TDRD5: variants seen among roughly 807,000 people sequenced by gnomAD.
The protein encoded by TDRD5 is tudor domain-containing protein 5.
In TDRD5, 41 loss-of-function variants were observed where a neutral mutation model predicts 120.6. That is an observed-to-expected ratio of 0.34 (90% CI 0.26 to 0.44). The LOEUF (loss-of-function observed/expected upper bound fraction) is 0.44. TDRD5 is among the 20% of genes least tolerant of loss of function. TDRD5 has a pLI of 1.00. For missense variants in TDRD5, 1,006 were observed against 1,221.2 expected (o/e 0.82, Z 2.63); for synonymous variants, 430 against 433.7 (o/e 0.99, Z 0.11).
At position 179,618,581 on chromosome 1, in the gene TDRD5, T is replaced by A; in HGVS notation, c.832-18T>A. 6.4e-7 allele frequency: 1 copy of A among 1,569,806 alleles called. No homozygotes were observed. Among genetic ancestry groups the A allele is most frequent in the Non-Finnish European group, 8.6e-7 (1 of 1,164,372 alleles). On this transcript the variant is annotated intron_variant, in intron 4 of 17. Coordinates refer to ENST00000444136, the MANE Select transcript of TDRD5 (RefSeq NM_001199085.3). The stretch of plus-strand genomic sequence containing the variant: ...GTCAGGGGGACTGTGACTTGACTTT[T>A]TTTTTCTTTTTTCATAGCTGGAGAA...
At chr1:179,672,164 A>G (rs778467264) in intron 17 of TDRD5, among the ~76,000 whole-genome samples, 2 of 151,930 alleles carry the variant, frequency 1.3e-5, no homozygotes, top group Non-Finnish European at 2.9e-5. Flanking sequence ...CAAATGGTAG[A>G]TCTTAGCTCT....
intron 17 of TDRD5, among the ~76,000 whole-genome samples, chr1:179,677,599 G>A (rs932758191): frequency 3.3e-5 from 5 of 152,156 alleles, no homozygotes; most frequent in African/African-American, 1.2e-4. Context: ...CCTGAGAACT[G>A]AACTGTGGTG....
intron 14 of TDRD5, among the ~76,000 whole-genome samples, chr1:179,660,224 T>G (rs1410789584): frequency 2.3e-5 from 3 of 130,146 alleles, no homozygotes; most frequent in Non-Finnish European, 4.9e-5. Flanking sequence ...TTTTTTTTTT[T>G]TTTTTTTTTT....
intron 4 of TDRD5, among the ~76,000 whole-genome samples, chr1:179,596,266 A>G (rs899343648): frequency 3.9e-5 from 6 of 152,256 alleles, no homozygotes; most frequent in African/African-American, 1.4e-4. Flanking sequence ...AACTTAAGTT[A>G]GAGCTCAGAA....
rs149286955 is a variant in TDRD5, at chr1:179,674,517, T to C, written c.2860+5113T>C. Among the ~76,000 whole-genome samples, 790 of 152,282 alleles carry C rather than the reference T, an allele frequency of 5.2e-3. 3 individuals carry two copies. The highest frequency in any genetic ancestry group is 0.027 in the Middle Eastern group (8 of 294). On this transcript the variant is annotated intron_variant, in intron 17 of 17. Coordinates refer to ENST00000444136, the MANE Select transcript of TDRD5 (RefSeq NM_001199085.3). ...CTGTAGTTTTTTTTTGTTGTTGTTATGTCCTTTCCCGGTTTTGGTATTAGG... is the reference window on the plus strand; with the variant it reads ...CTGTAGTTTTTTTTTGTTGTTGTTACGTCCTTTCCCGGTTTTGGTATTAGG...
intron 12 of TDRD5, 130 bp downstream of exon 12, chr1:179,651,197 G>A: frequency 2.1e-6 from 2 of 966,700 alleles, no homozygotes; most frequent in Non-Finnish European, 3.0e-6. Context: ...GAGATTCCTG[G>A]CTTTTTAATG....
chr1:179,635,932 A>G, intron 9 of TDRD5, 45 bp downstream of exon 9: 1 of 1,565,738 alleles, frequency 6.4e-7, no homozygotes, highest in South Asian at 1.2e-5. Context: ...TGTCTCTTAA[A>G]TCAACAGTTC....
At chr1:179,614,674 T>C (rs1262444072) in intron 4 of TDRD5, among the ~76,000 whole-genome samples, 1 of 152,076 alleles carries the variant, frequency 6.6e-6, no homozygotes, top group East Asian at 1.9e-4. Flanking sequence ...CCTTCAGAGA[T>C]CCCTCCCCAC....
At chr1:179,637,381 A>ATGGG (rs1677817774) in intron 9 of TDRD5, among the ~76,000 whole-genome samples, 1 of 152,218 alleles carries the variant, frequency 6.6e-6, no homozygotes, top group Non-Finnish European at 1.5e-5. Context: ...AGATAATGAT[A>ATGGG]GTACCTACTT....
chr1:179,614,717 G>T (rs560067128), intron 4 of TDRD5, among the ~76,000 whole-genome samples: 77 of 151,912 alleles, frequency 5.1e-4, no homozygotes, highest in Non-Finnish European at 1.0e-3. Context: ...ACCTTCAGGT[G>T]TATTATCCTT....
At chr1:179,682,244 TC>T (rs1252418727) in intron 17 of TDRD5, among the ~76,000 whole-genome samples, 1 of 151,882 alleles carries the variant, frequency 6.6e-6, no homozygotes, top group African/African-American at 2.4e-5. Context: ...TGGCTTAATT[TC>T]TTTTTTTATT....
intron 11 of TDRD5, among the ~76,000 whole-genome samples, chr1:179,645,891 C>T (rs1484539185): frequency 6.6e-6 from 1 of 152,146 alleles, no homozygotes; most frequent in East Asian, 1.9e-4. Context: ...ATATAACTAT[C>T]ATTTTCTATT....
intron 16 of TDRD5, among the ~76,000 whole-genome samples, chr1:179,664,594 TA>T (rs1679470422): frequency 6.6e-6 from 1 of 152,208 alleles, no homozygotes; most frequent in South Asian, 2.1e-4. Flanking sequence ...CTAGCATTAA[TA>T]ATGTCTTCAA....
chr1:179,618,551 C>T (rs779455453), intron 4 of TDRD5, 48 bp from the exon 5 acceptor site: 1 of 1,438,450 alleles, frequency 7.0e-7, no homozygotes, highest in Non-Finnish European at 9.4e-7. Flanking sequence ...CTTTGACTTT[C>T]TTTGGTCAGG....
chr1:179,592,588 G>C lies in TDRD5; in HGVS notation c.-14-14G>C, dbSNP rs554474571. ...GGTTTGCCCCCTTTTCCTCAGCTGC[G>C]TTTCTGTCTTCAGTCCTGTAGGGCA... On this transcript the variant is annotated splice_polypyrimidine_tract_variant and intron_variant, in intron 1 of 17. Coordinates refer to ENST00000444136, the MANE Select transcript of TDRD5 (RefSeq NM_001199085.3). 1.2e-6 allele frequency: 2 copies of C among 1,601,902 alleles called. No individual in the cohort carries two copies. Among genetic ancestry groups the C allele is most frequent in the Admixed American group, 1.7e-5 (1 of 59,814 alleles).
chr1:179,687,525 T>G (rs929106560), intron 17 of TDRD5, among the ~76,000 whole-genome samples: 4 of 152,212 alleles, frequency 2.6e-5, no homozygotes, highest in Non-Finnish European at 5.9e-5. Context: ...TTCTGTTGAT[T>G]TGGAGTGGAG....
chr1:179,631,747 T>C (rs1405402523), intron 7 of TDRD5, among the ~76,000 whole-genome samples: 3 of 152,028 alleles, frequency 2.0e-5, no homozygotes, highest in South Asian at 4.2e-4. Flanking sequence ...TGCTAGTAAC[T>C]AAACTCCAGG....
intron 17 of TDRD5, among the ~76,000 whole-genome samples, chr1:179,680,790 C>T (rs112376416): frequency 0.05 from 7,595 of 151,950 alleles, 271 homozygotes; most frequent in Non-Finnish European, 0.07. Context: ...ACAGTGAGAC[C>T]CTGTCTGTAC....
intron 4 of TDRD5, among the ~76,000 whole-genome samples, chr1:179,597,332 C>CTTTTTTTTTTTTTTTTTTTTTTTTTCTT (rs945509784): frequency 8.0e-6 from 1 of 125,572 alleles, no homozygotes; most frequent in Non-Finnish European, 1.6e-5. Context: ...TTCTTTTTTT[C>CTTTTTTTTTTTTTTTTTTTTTTTTTCTT]TTTTTTTTTT....
Sources: allele counts gnomAD v4.1 joint callset (sites outside exome capture counted in the v4.1 genomes callset), GRCh38; gene constraint gnomAD v4.1.1; transcripts MANE v1.5; gene names NCBI Gene and HGNC (gene_info 2026-07-23, HGNC 2026-07-21).